ZNF84: variants seen among roughly 807,000 people sequenced by gnomAD.
The protein encoded by ZNF84 is zinc finger protein HPF2.
A neutral mutation model predicts 14.8 loss-of-function variants in ZNF84; 12 were observed. That is an observed-to-expected ratio of 0.81 (90% CI 0.52 to 1.31). The LOEUF is 1.31. ZNF84 is among the 50% of genes most tolerant of loss of function. ZNF84 has a pLI of 0.00. For missense variants in ZNF84, 859 were observed against 878.6 expected, an observed-to-expected ratio of 0.98 and a Z score of 0.28; for synonymous variants, 347 against 291.1, an observed-to-expected ratio of 1.19 and a Z score of -1.96.
At chr12:133,056,893 T>A (rs1954169688) in intron 4 of ZNF84, 61 bp from the exon 5 acceptor site, 2 of 1,441,288 alleles carry the variant, frequency 1.4e-6, no homozygotes, top group Non-Finnish European at 1.9e-6. Flanking sequence ...TCTAGTTTTG[T>A]TTTGTTTTGT....
Position 133,037,862 on chromosome 12 carries a change from C to G in ZNF84, c.-191+317C>G, listed in dbSNP as rs1035668542. The G allele has an allele frequency of 9.9e-5, 15 of 152,228 alleles. 1 individual carries two copies. Among genetic ancestry groups the G allele is most frequent in the Non-Finnish European group, 2.9e-5 (2 of 68,058 alleles). The allele number at this position is 152,228 out of a possible 1,614,324, so 9.4% of individuals were successfully genotyped here. A position where few individuals can be genotyped will look rare whatever the true frequency, so the allele number is the denominator to read the frequency against. ...GTTTAGCCTCGACCTCGGGCCAGCCCGCTTGCCGCGCCGTGGCCCTAAGGA... is the reference window on the plus strand; with the variant it reads ...GTTTAGCCTCGACCTCGGGCCAGCCGGCTTGCCGCGCCGTGGCCCTAAGGA... On this transcript the variant is annotated intron_variant, in intron 1 of 4. Transcript: ENST00000539354.
At chr12:133,047,102 A>G (rs1173301461) in intron 2 of ZNF84, among the ~76,000 whole-genome samples, 3 of 151,266 alleles carry the variant, frequency 2.0e-5, no homozygotes, top group East Asian at 1.9e-4. Flanking sequence ...TGCCTATCCT[A>G]TTTTCTTTCT....
chr12:133,041,375 G>C lies in ZNF84; in HGVS notation c.-93G>C. 7.8e-7 allele frequency: 1 copy of C among 1,279,502 alleles called. No individual in the cohort carries two copies. The highest frequency in any genetic ancestry group is 1.1e-6 in the Non-Finnish European group (1 of 878,814). The allele number at this position is 1,279,502 out of a possible 1,614,324, so 79.3% of individuals were successfully genotyped here. A position where few individuals can be genotyped will look rare whatever the true frequency, so the allele number is the denominator to read the frequency against. ...CATTCTCAGTGTAGAAGACCTAGCT[G>C]AGACCTCACTCCACAGTTTTGGGGC... On this transcript the variant is annotated 5_prime_UTR_variant, in exon 2 of 5. Transcript: ENST00000539354.
chr12:133,059,103 C>T lies in ZNF84; in HGVS notation c.*171C>T, dbSNP rs2137428999. 2 of 643,770 alleles carry T rather than the reference C, an allele frequency of 3.1e-6. No individual in the cohort carries two copies. The highest frequency in any genetic ancestry group is 4.8e-5 in the South Asian group (2 of 42,028). The allele number at this position is 643,770 out of a possible 1,614,324, so 39.9% of individuals were successfully genotyped here. A position where few individuals can be genotyped will look rare whatever the true frequency, so the allele number is the denominator to read the frequency against. On this transcript the variant is annotated 3_prime_UTR_variant, in exon 5 of 5. Coordinates refer to ENST00000539354, the MANE Select transcript of ZNF84 (RefSeq NM_001289971.2). ...ATCATAATTCATAGAGTAGAGTGAA[C>T]CTATGACTGCAGTGGATCTCAAAAA...
intron 2 of ZNF84, among the ~76,000 whole-genome samples, chr12:133,046,323 T>G (rs1357836132): frequency 2.0e-5 from 3 of 149,156 alleles, no homozygotes; most frequent in Admixed American, 6.7e-5. Flanking sequence ...AGACTGATGT[T>G]TTTGTATCTC....
At chr12:133,047,149 C>T (rs1953996972) in intron 2 of ZNF84, among the ~76,000 whole-genome samples, 1 of 151,714 alleles carries the variant, frequency 6.6e-6, no homozygotes, top group African/African-American at 2.4e-5. Flanking sequence ...ATTTGAGGTT[C>T]AGTAAAGATT....
rs1264316139 is a variant in ZNF84 at position 133,062,501 on chromosome 12, T to TTTAA, written c.*3570_*3571insTAAT. ...GTCCAGGTTGTCAATTTCAGAGGTC[T>TTTAA]TATTAGTCTATACAGGTACCAATGA... On this transcript the variant is annotated 3_prime_UTR_variant, in exon 5 of 5. Transcript: ENST00000539354. The TTTAA allele has an allele frequency of 6.5e-6, 1 of 152,784 alleles. No individual in the cohort carries two copies. The highest frequency in any genetic ancestry group is 1.5e-5 in the Non-Finnish European group (1 of 68,434). The allele number at this position is 152,784 out of a possible 1,614,324, so 9.5% of individuals were successfully genotyped here.
chr12:133,048,983 T>TTGATGGGTTGGCTGGTCAG lies in ZNF84; in HGVS notation c.238+148_238+166dup, dbSNP rs1954030940. 1.9e-5 allele frequency: 12 copies of TTGATGGGTTGGCTGGTCAG among 632,002 alleles called. 1 individual carries two copies. Among genetic ancestry groups the TTGATGGGTTGGCTGGTCAG allele is most frequent in the South Asian group, 6.0e-5 (3 of 49,672 alleles). The allele number at this position is 632,002 out of a possible 1,614,324, so 39.1% of individuals were successfully genotyped here. On this transcript the variant is annotated intron_variant, in intron 4 of 4. Coordinates refer to ENST00000539354, the MANE Select transcript of ZNF84 (RefSeq NM_001289971.2). Reference sequence around the variant, plus strand: ...TGGTCAGTGACGGGTGGGCTGGTCATTGATGGGTTGGCTGGTCAGTGATGG... The same window carrying TTGATGGGTTGGCTGGTCAG: ...TGGTCAGTGACGGGTGGGCTGGTCATTGATGGGTTGGCTGGTCAGTGATGGGTTGGCTGGTCAGTGATGG...
chr12:133,039,157 T>C (rs958922759), intron 1 of ZNF84: 6 of 152,220 alleles, frequency 3.9e-5, no homozygotes, highest in Non-Finnish European at 8.8e-5. Flanking sequence ...TTATGTATTA[T>C]CACAATTTAA....
At position 133,058,858 on chromosome 12, in the gene ZNF84, G is replaced by A; in HGVS notation, c.2143G>A (p.Glu715Lys). 1 of 1,613,688 alleles carries A rather than the reference G, an allele frequency of 6.2e-7. No homozygotes were observed. The highest frequency in any genetic ancestry group is 8.5e-7 in the Non-Finnish European group (1 of 1,179,842). Residue 715 changes from glutamate to lysine, a missense_variant, in exon 5 of 5, where the codon GAA becomes AAA. By Grantham distance (56) the Glu-to-Lys change is moderately conservative (BLOSUM62 1). Coordinates refer to ENST00000539354, the MANE Select transcript of ZNF84 (RefSeq NM_001289971.2). ...HTGEKPYRCI[E>K]CGKAFSQKSQ... ...AGGAGAGAAGCCTTATCGATGCATT[G>A]AATGTGGGAAAGCTTTCTCACAGAA...
At chr12:133,042,739 C>A (rs754853697) in intron 2 of ZNF84, among the ~76,000 whole-genome samples, 5 of 152,204 alleles carry the variant, frequency 3.3e-5, no homozygotes, top group Admixed American at 2.6e-4. Flanking sequence ...CAGAGCAGGA[C>A]TTCATGACCA....
chr12:133,057,233 C>T lies in ZNF84; in HGVS notation c.518C>T (p.Thr173Ile), dbSNP rs1954175285. ...NFFLHSKPED[T>I]DTWLKYYDCD... ...TTTCTCCATTCCAAGCCTGAGGATACTGATACCTGGTTAAAATACTATGAC... is the reference window on the plus strand; with the variant it reads ...TTTCTCCATTCCAAGCCTGAGGATATTGATACCTGGTTAAAATACTATGAC... Residue 173 changes from threonine (T) to isoleucine (I), a missense_variant, in exon 5 of 5, where the codon ACT becomes ATT. Thr to Ile is a moderately conservative substitution (Grantham distance 89, BLOSUM62 -1). Coordinates refer to ENST00000539354, the MANE Select transcript of ZNF84 (RefSeq NM_001289971.2). 26 of 1,613,848 alleles carry T rather than the reference C, an allele frequency of 1.6e-5. No individual in the cohort carries two copies. The highest frequency in any genetic ancestry group is 1.9e-5 in the Non-Finnish European group (23 of 1,179,978).
chr12:133,061,003 A>G lies in ZNF84; in HGVS notation c.*2071A>G, dbSNP rs1003111978. On this transcript the variant is annotated 3_prime_UTR_variant, in exon 5 of 5. Coordinates refer to ENST00000539354, the MANE Select transcript of ZNF84 (RefSeq NM_001289971.2). ...GTATTTTGCACCTTTACCTTAAACA[A>G]TATTTTCTCCTTTAATTATTGATTT... 5.9e-5 allele frequency: 9 copies of G among 152,344 alleles called. No homozygotes were observed. In the South Asian group the frequency reaches 8.3e-4, roughly 14 times the overall value. 9.4% of individuals were successfully genotyped at this position (152,344 alleles called of 1,614,324 possible).
In ZNF84 at chr12:133,046,981, A is replaced by G. The variant is rs866825013; in HGVS notation, c.16-974A>G. On this transcript the variant is annotated intron_variant, in intron 2 of 4. Transcript: ENST00000539354. ...ATTATGTATTATATTATTTATATAT[A>G]TATATAATACAGGTCTCACTGTATT... 8.5e-3 allele frequency among the ~76,000 whole-genome samples: 1,239 copies of G among 145,484 alleles called. 19 individuals are homozygous for G. Among genetic ancestry groups the G allele is most frequent in the African/African-American group, 0.028 (1,135 of 39,826 alleles).
chr12:133,052,905 GT>G (rs1954096562), intron 4 of ZNF84, among the ~76,000 whole-genome samples: 2 of 152,216 alleles, frequency 1.3e-5, no homozygotes, highest in African/African-American at 4.8e-5. Flanking sequence ...TCAGAAAATG[GT>G]TTAGTTACTT....
At chr12:133,047,097 A>G (rs923471026) in intron 2 of ZNF84, among the ~76,000 whole-genome samples, 2 of 151,142 alleles carry the variant, frequency 1.3e-5, no homozygotes, top group South Asian at 4.2e-4. Flanking sequence ...CACCTTGCCT[A>G]TCCTATTTTC....
intron 4 of ZNF84, among the ~76,000 whole-genome samples, chr12:133,054,412 A>G (rs1954116967): frequency 6.6e-6 from 1 of 152,312 alleles, no homozygotes; most frequent in Non-Finnish European, 1.5e-5. Context: ...TTAACTTATA[A>G]TAGTATAAAT....
rs550196026 is a variant in ZNF84 at position 133,040,090 on chromosome 12, C to T, written c.-190-1188C>T. Reference sequence around the variant, plus strand: ...CTCCTGACCTCAGGTGATCCATCTGCCTTGGCCTCCCAAAGTGCTGGAATT... The same window carrying T: ...CTCCTGACCTCAGGTGATCCATCTGTCTTGGCCTCCCAAAGTGCTGGAATT... On this transcript the variant is annotated intron_variant, in intron 1 of 4. Transcript: ENST00000539354. Among the ~76,000 whole-genome samples the T allele has an allele frequency of 2.6e-5, 4 of 152,052 alleles. No individual in the cohort carries two copies. In the South Asian group the frequency reaches 8.3e-4, roughly 32 times the overall value.
chr12:133,040,108 C>A (rs1468965885), intron 1 of ZNF84, among the ~76,000 whole-genome samples: 1 of 151,784 alleles, frequency 6.6e-6, no homozygotes, highest in Non-Finnish European at 1.5e-5. Flanking sequence ...TCCCAAAGTG[C>A]TGGAATTACA....
Sources: allele counts gnomAD v4.1 joint callset (sites outside exome capture counted in the v4.1 genomes callset), GRCh38; gene constraint gnomAD v4.1.1; transcripts MANE v1.5; gene names NCBI Gene and HGNC (gene_info 2026-07-23, HGNC 2026-07-21).